The following DDX10 variants were observed in gnomAD, a reference collection of about 807,000 sequenced individuals.
DDX10 encodes the protein DEAD-box helicase 10.
Under a neutral mutation model 104.3 loss-of-function variants are expected in DDX10, and 74 were observed. The observed-to-expected ratio is 0.71, with a 90% confidence interval of 0.59 to 0.86. The LOEUF is 0.86. Among genes scored for constraint, DDX10 ranks in the 40% least tolerant of loss-of-function variants. The pLI is 0.00. For missense variants in DDX10, 952 were observed against 1,040.0 expected, an observed-to-expected ratio of 0.92 and a Z score of 1.16; for synonymous variants, 351 against 353.4, an observed-to-expected ratio of 0.99 and a Z score of 0.08.
At chr11:108,826,868 T>C (rs1327182046) in intron 13 of DDX10, among the ~76,000 whole-genome samples, 1 of 152,230 alleles carries the variant, frequency 6.6e-6, no homozygotes, top group East Asian at 1.9e-4. Context: ...GGGTCATGGA[T>C]TTAAAGTTGA....
chr11:108,787,200 C>T (rs1861806252), intron 13 of DDX10, among the ~76,000 whole-genome samples: 1 of 152,188 alleles, frequency 6.6e-6, no homozygotes, highest in Non-Finnish European at 1.5e-5. Context: ...AAGGTTTCTT[C>T]TAAGAGGTCT....
intron 2 of DDX10, among the ~76,000 whole-genome samples, chr11:108,675,172 T>G (rs540754184): frequency 2.7e-4 from 41 of 152,132 alleles, no homozygotes; most frequent in Admixed American, 1.2e-3. Context: ...TCATGGACAC[T>G]TAGGTTGATT....
intron 2 of DDX10, among the ~76,000 whole-genome samples, chr11:108,674,418 T>A (rs1383409097): frequency 6.6e-6 from 1 of 152,226 alleles, no homozygotes; most frequent in East Asian, 1.9e-4. Flanking sequence ...TCCTTTTGTG[T>A]TTAGAACTCT....
At chr11:108,849,583 T>G (rs957522069) in intron 15 of DDX10, among the ~76,000 whole-genome samples, 1 of 152,102 alleles carries the variant, frequency 6.6e-6, no homozygotes, top group African/African-American at 2.4e-5. Flanking sequence ...TGATTTTCTG[T>G]TTTTCTGTCC....
At chr11:108,665,656 A>C (rs552090940) in intron 1 of DDX10, among the ~76,000 whole-genome samples, 1 of 152,164 alleles carries the variant, frequency 6.6e-6, no homozygotes, top group South Asian at 2.1e-4. Flanking sequence ...ATTTTTAAGC[A>C]CTCACCATGT....
Position 108,840,540 on chromosome 11 carries a change from C to T in DDX10, c.2086-775C>T, listed in dbSNP as rs566687035. ...CAGATATCCAGAGATTAATTTATTT[C>T]GCATTACATAGTAATGAAAAAGCCA... On this transcript the variant is annotated intron_variant, in intron 14 of 17. Transcript: ENST00000322536. Among the ~76,000 whole-genome samples, 15 of 152,224 alleles carry T rather than the reference C, an allele frequency of 9.9e-5. No individual in the cohort carries two copies. The South Asian group carries it at 1.9e-3, about 19-fold the overall frequency.
At chr11:108,919,421 C>G (rs1863794805) in intron 17 of DDX10, 2 of 152,192 alleles carry the variant, frequency 1.3e-5, no homozygotes, top group African/African-American at 4.8e-5. Context: ...TATACATGCT[C>G]TGAGTTCCTT....
At chr11:108,837,184 T>C (rs947230375) in intron 13 of DDX10, among the ~76,000 whole-genome samples, 4 of 152,230 alleles carry the variant, frequency 2.6e-5, no homozygotes, top group African/African-American at 9.6e-5. Context: ...GTAGATACCA[T>C]TGGTGTCCTC....
At chr11:108,689,138 A>T (rs1490898899) in intron 7 of DDX10, 76 bp downstream of exon 7, 1 of 1,481,922 alleles carries the variant, frequency 6.7e-7, no homozygotes, top group East Asian at 2.3e-5. Flanking sequence ...TAGACAAATT[A>T]TTATATTGTA....
chr11:108,920,335 A>T (rs1863806477), intron 17 of DDX10: 1 of 152,232 alleles, frequency 6.6e-6, no homozygotes, highest in African/African-American at 2.4e-5. Context: ...ATGCACAGCT[A>T]ACAAGTCAGC....
chr11:108,750,651 A>G (rs2094337322), intron 13 of DDX10, among the ~76,000 whole-genome samples: 1 of 152,052 alleles, frequency 6.6e-6, no homozygotes, highest in Non-Finnish European at 1.5e-5. Context: ...CCTGACTTTA[A>G]TATATTAACT....
chr11:108,866,961 G>T (rs1298299151), intron 16 of DDX10, among the ~76,000 whole-genome samples: 1 of 152,120 alleles, frequency 6.6e-6, no homozygotes, highest in African/African-American at 2.4e-5. Context: ...TGACTTGTAG[G>T]ATTCACAAAA....
intron 1 of DDX10, among the ~76,000 whole-genome samples, chr11:108,671,671 A>T (rs956022398): frequency 2.0e-5 from 3 of 152,178 alleles, no homozygotes; most frequent in Admixed American, 6.5e-5. Context: ...TGCTCGAATA[A>T]AACTTTACTT....
chr11:108,694,379 C>A (rs1327138522), intron 9 of DDX10, among the ~76,000 whole-genome samples: 1 of 152,162 alleles, frequency 6.6e-6, no homozygotes, highest in Non-Finnish European at 1.5e-5. Context: ...CTTATCTAGT[C>A]TAGATCTTGT....
rs1398782999 is a variant in DDX10 at position 108,692,084 on chromosome 11, T to C, written c.1138+46T>C. ...GAAATTTCTGTGATTGTGTGAAATG[T>C]AATTTGCTTATAAAGTATATTTTGG... On this transcript the variant is annotated intron_variant, in intron 8 of 17. Coordinates refer to ENST00000322536, the MANE Select transcript of DDX10 (RefSeq NM_004398.4). 2.6e-6 allele frequency: 4 copies of C among 1,526,298 alleles called. No homozygotes were observed. In the South Asian group the frequency reaches 5.1e-5, roughly 19 times the overall value. 94.5% of individuals were successfully genotyped at this position (1,526,298 alleles called of 1,614,324 possible).
At chr11:108,884,329 G>A (rs1425046998) in intron 16 of DDX10, among the ~76,000 whole-genome samples, 1 of 152,062 alleles carries the variant, frequency 6.6e-6, no homozygotes, top group Admixed American at 6.6e-5. Context: ...GGCTACCTCT[G>A]GGCCTTCACA....
At chr11:108,666,404 C>T (rs1188669954) in intron 1 of DDX10, among the ~76,000 whole-genome samples, 4 of 152,110 alleles carry the variant, frequency 2.6e-5, no homozygotes, top group Non-Finnish European at 4.4e-5. Context: ...CGCTTGAACC[C>T]GGGAGGCAGA....
At chr11:108,866,479 G>A (rs1338948169) in intron 16 of DDX10, among the ~76,000 whole-genome samples, 1 of 152,092 alleles carries the variant, frequency 6.6e-6, no homozygotes, top group African/African-American at 2.4e-5. Flanking sequence ...GTCCTGGGCA[G>A]GACTGTGGAT....
intron 13 of DDX10, among the ~76,000 whole-genome samples, chr11:108,732,642 A>G (rs2094313680): frequency 6.6e-6 from 1 of 152,148 alleles, no homozygotes; most frequent in Non-Finnish European, 1.5e-5. Flanking sequence ...GCAGTGGAGA[A>G]GTGCCACGAG....
Sources: gnomAD v4.1 joint callset for allele counts (sites outside exome capture counted in the v4.1 genomes callset) on GRCh38, gnomAD v4.1.1 for gene constraint, MANE v1.5 for transcripts, NCBI Gene and HGNC (gene_info 2026-07-23, HGNC 2026-07-21) for gene names.